The following WSB1 variants were observed in gnomAD, a reference collection of about 807,000 sequenced individuals.
WSB1 encodes WD repeat and SOCS box containing 1.
WSB1 carries 23 observed loss-of-function variants against 50.2 expected under a neutral mutation model. The ratio of observed to expected loss-of-function variants is 0.46; its 90% CI spans 0.33 to 0.65. WSB1 has a LOEUF of 0.65. Ranked by LOEUF, WSB1 falls within the 30% of genes least tolerant of loss-of-function variation. The pLI, the probability that WSB1 is intolerant of heterozygous loss-of-function variation, is 0.02. For missense variants in WSB1, 492 were observed against 522.3 expected, an observed-to-expected ratio of 0.94 and a Z score of 0.56; for synonymous variants, 179 against 172.0, an observed-to-expected ratio of 1.04 and a Z score of -0.32.
At chr17:27,295,134 A>C (rs1199114498) in intron 1 of WSB1, among the ~76,000 whole-genome samples, 1 of 152,198 alleles carries the variant, frequency 6.6e-6, no homozygotes, top group Non-Finnish European at 1.5e-5. Flanking sequence ...TTGTGCGTCC[A>C]CACCTACTTA....
chr17:27,308,686 T>TAA (rs754721508), intron 5 of WSB1: 29 of 986,990 alleles, frequency 2.9e-5, no homozygotes, highest in Non-Finnish European at 3.5e-5. Flanking sequence ...TTGTTAACCT[T>TAA]ACGTTTTCTG....
intron 1 of WSB1, among the ~76,000 whole-genome samples, chr17:27,298,240 C>T (rs1005985955): frequency 6.6e-6 from 1 of 151,304 alleles, no homozygotes; most frequent in African/African-American, 2.4e-5. Context: ...AAATTGAATG[C>T]AAGGGCTGTT....
rs780709446 is a variant in WSB1, at chr17:27,304,769, A to G, written c.479-11A>G. On this transcript the variant is annotated splice_polypyrimidine_tract_variant and intron_variant, in intron 3 of 8. Transcript: ENST00000262394. The stretch of plus-strand genomic sequence containing the variant: ...ATACTGTCTTTTTTTTCCCTTTTCT[A>G]TCATATTTAGGAAAACTCCTCCTTA... 1.9e-6 allele frequency: 3 copies of G among 1,607,958 alleles called. No homozygotes were observed. Among genetic ancestry groups the G allele is most frequent in the South Asian group, 1.1e-5 (1 of 89,848 alleles).
intron 1 of WSB1, among the ~76,000 whole-genome samples, 188 bp downstream of exon 1, chr17:27,294,623 A>G (rs1317751880): frequency 2.0e-5 from 3 of 152,148 alleles, no homozygotes; most frequent in Non-Finnish European, 4.4e-5. Context: ...ACCGACGTGG[A>G]TGCAGCACCT....
intron 4 of WSB1, among the ~76,000 whole-genome samples, chr17:27,306,401 A>G (rs1191741959): frequency 6.6e-6 from 1 of 151,700 alleles, no homozygotes; most frequent in Non-Finnish European, 1.5e-5. Context: ...TTTTTAGTAG[A>G]GATGGGTTTC....
intron 1 of WSB1, among the ~76,000 whole-genome samples, chr17:27,296,427 G>A (rs766747932): frequency 1.3e-5 from 2 of 151,680 alleles, no homozygotes; most frequent in Non-Finnish European, 2.9e-5. Context: ...ATTTCTCTGC[G>A]TAGCTTTTTA....
At chr17:27,307,773 G>A (rs2017518703) in intron 5 of WSB1, 1 of 1,535,404 alleles carries the variant, frequency 6.5e-7, no homozygotes, top group Non-Finnish European at 8.7e-7. Context: ...TGTGATTGAG[G>A]TTATGCTGGC....
Position 27,309,221 on chromosome 17 carries a change from C to T in WSB1, c.833C>T (p.Thr278Ile). Residue 278 changes from threonine to isoleucine, a missense_variant, in exon 6 of 9, where the codon ACT becomes ATT. Physicochemically the swap from Thr to Ile is moderately conservative, Grantham distance 89. Transcript: ENST00000262394. ...GALLATASYD[T>I]RVYIWDPHNG... ...TTACTGGCTACTGCATCTTATGATA[C>T]TCGAGTATATATCTGGGATCCACAT... 2 of 1,612,226 alleles carry T rather than the reference C, an allele frequency of 1.2e-6. No individual in the cohort carries two copies. The highest frequency in any genetic ancestry group is 1.7e-6 in the Non-Finnish European group (2 of 1,179,082).
In WSB1 at chr17:27,312,242, C is replaced by T. The variant is rs760835781; in HGVS notation, c.1139C>T (p.Thr380Ile). 17 of 1,613,532 alleles carry T rather than the reference C, an allele frequency of 1.1e-5. No homozygotes were observed. Among genetic ancestry groups the T allele is most frequent in the Non-Finnish European group, 7.6e-6 (9 of 1,179,944 alleles). ...GACGGAAGTGTGTATTTTTGGGCCACTCCACGGCAGGTCCCTAGCCTGCAA... is the reference window on the plus strand; with the variant it reads ...GACGGAAGTGTGTATTTTTGGGCCATTCCACGGCAGGTCCCTAGCCTGCAA... ...THDGSVYFWA[T>I]PRQVPSLQHL... The change falls in exon 9 of 9, where the codon ACT (threonine) becomes ATT (isoleucine). Residue 380 changes from threonine (T) to isoleucine (I), a missense_variant. Physicochemically the swap from Thr to Ile is moderately conservative, Grantham distance 89. Transcript: ENST00000262394.
chr17:27,313,292 C>T lies in WSB1; in HGVS notation c.*923C>T, dbSNP rs1181399561. ...TTTACTCCCCCTCTAAACACTGCTG[C>T]TGCCTTAATTTTAGAAAGCAGCTTA... On this transcript the variant is annotated 3_prime_UTR_variant, in exon 9 of 9. Coordinates refer to ENST00000262394, the MANE Select transcript of WSB1 (RefSeq NM_015626.10). 11 of 150,048 alleles carry T rather than the reference C, an allele frequency of 7.3e-5. No homozygotes were observed. Among genetic ancestry groups the T allele is most frequent in the African/African-American group, 2.7e-4 (11 of 40,672 alleles). 9.3% of individuals were successfully genotyped at this position (150,048 alleles called of 1,614,324 possible).
At position 27,314,054 on chromosome 17, in the gene WSB1, A is replaced by G. The variant is rs2017785459; in HGVS notation, c.*1685A>G. 6.6e-6 allele frequency: 1 copy of G among 152,174 alleles called. No homozygotes were observed. The allele number at this position is 152,174 out of a possible 1,614,324, so 9.4% of individuals were successfully genotyped here. A position where few individuals can be genotyped will look rare whatever the true frequency, so the allele number is the denominator to read the frequency against. On this transcript the variant is annotated 3_prime_UTR_variant, in exon 9 of 9. Coordinates refer to ENST00000262394, the MANE Select transcript of WSB1 (RefSeq NM_015626.10). ...TGTGTGATTTTGAAGACTCATTTCC[A>G]CTGAGAAATTATTTGGAAGTTCCTA...
chr17:27,309,978 C>G, intron 6 of WSB1, 83 bp from the exon 7 acceptor site: 2 of 1,065,130 alleles, frequency 1.9e-6, no homozygotes, highest in Non-Finnish European at 2.9e-6. Flanking sequence ...AAACACTATT[C>G]AAAGACAGAT....
At position 27,296,550 on chromosome 17, in the gene WSB1, A is replaced by G. The variant is rs114582818; in HGVS notation, c.40+2115A>G. Among the ~76,000 whole-genome samples, 530 of 152,298 alleles carry G rather than the reference A, an allele frequency of 3.5e-3. 2 individuals are homozygous for G. Among genetic ancestry groups the G allele is most frequent in the African/African-American group, 0.012 (504 of 41,562 alleles). ...AGTAGAGGCAAGATTTCCATGAATG[A>G]TTAAATAATTCTGTGATACTACTGC... On this transcript the variant is annotated intron_variant, in intron 1 of 8. Transcript: ENST00000262394.
intron 1 of WSB1, among the ~76,000 whole-genome samples, chr17:27,297,619 C>G (rs2017034131): frequency 6.6e-6 from 1 of 152,086 alleles, no homozygotes; most frequent in African/African-American, 2.4e-5. Flanking sequence ...ACCACACTCG[C>G]TAATTTTTTA....
chr17:27,295,943 T>C (rs2016949903), intron 1 of WSB1, among the ~76,000 whole-genome samples: 1 of 152,108 alleles, frequency 6.6e-6, no homozygotes, highest in South Asian at 2.1e-4. Context: ...TTTCAAGCGA[T>C]TCTCCTCCCT....
chr17:27,304,866 G>A lies in WSB1; in HGVS notation c.565G>A (p.Ala189Thr). ...APDGSLILVS[A>T]SRDKTLRVWD... ...AGATGGAAGCTTGATCCTGGTGTCA[G>A]CTTCAAGAGACAAAACTCTCAGAGT... The change falls in exon 4 of 9, where the codon GCT becomes ACT. Residue 189 changes from alanine to threonine, a missense_variant. Transcript: ENST00000262394. 6.2e-7 allele frequency: 1 copy of A among 1,614,068 alleles called. No homozygotes were observed. The highest frequency in any genetic ancestry group is 1.1e-5 in the South Asian group (1 of 91,088).
chr17:27,312,184 T>G (rs750006387), intron 8 of WSB1, 26 bp from the exon 9 acceptor site: 3 of 1,591,714 alleles, frequency 1.9e-6, no homozygotes, highest in Non-Finnish European at 2.6e-6. Context: ...CTTGGGTGAC[T>G]AAGCATGTGC....
At chr17:27,296,543 A>G (rs1049513827) in intron 1 of WSB1, among the ~76,000 whole-genome samples, 32 of 152,198 alleles carry the variant, frequency 2.1e-4, no homozygotes, top group African/African-American at 7.2e-4. Context: ...CAAGATTTCC[A>G]TGAATGATTA....
chr17:27,309,060 A>G, intron 5 of WSB1, 40 bp from the exon 6 acceptor site: 1 of 1,553,402 alleles, frequency 6.4e-7, no homozygotes. Flanking sequence ...TGTCCTCTGT[A>G]TGTCTGAATG....
Sources: gnomAD v4.1 joint callset for allele counts (sites outside exome capture counted in the v4.1 genomes callset) on GRCh38, gnomAD v4.1.1 for gene constraint, MANE v1.5 for transcripts, NCBI Gene and HGNC (gene_info 2026-07-23, HGNC 2026-07-21) for gene names.